Variants in OTOGL observed in about 807,000 individuals in gnomAD.
OTOGL encodes the protein otogelin-like protein.
A neutral mutation model predicts 318.5 loss-of-function variants in OTOGL; 285 were observed. The ratio of observed to expected loss-of-function variants is 0.89; its 90% CI spans 0.81 to 0.99. The LOEUF (loss-of-function observed/expected upper bound fraction) is 0.99. Ranked by LOEUF, OTOGL falls within the 50% of genes least tolerant of loss-of-function variation. The pLI, the probability that OTOGL is intolerant of heterozygous loss-of-function variation, is 0.00. For synonymous variants in OTOGL, 987 were observed against 936.5 expected (o/e 1.05, Z -0.99); for missense variants, 2,899 against 2,845.6 (o/e 1.02, Z -0.43).
chr12:80,346,107 A>G (rs1889180963), intron 44 of OTOGL, among the ~76,000 whole-genome samples: 1 of 152,204 alleles, frequency 6.6e-6, no homozygotes, highest in African/African-American at 2.4e-5. Context: ...ATGCAATACC[A>G]AAGTGCCCAT....
intron 28 of OTOGL, 45 bp downstream of exon 28, chr12:80,302,828 C>T (rs1386408566): frequency 5.8e-6 from 8 of 1,371,232 alleles, no homozygotes; most frequent in African/African-American, 2.9e-5. Flanking sequence ...AATAAAATCA[C>T]ATTTAGTTTT....
intron 1 of OTOGL, among the ~76,000 whole-genome samples, chr12:80,140,728 C>T (rs1410339279): frequency 6.6e-6 from 1 of 152,150 alleles, no homozygotes; most frequent in Non-Finnish European, 1.5e-5. Context: ...CTTAGATTGG[C>T]ACCTAGCTCA....
chr12:80,164,746 C>T (rs765964473), intron 1 of OTOGL, among the ~76,000 whole-genome samples: 7 of 152,126 alleles, frequency 4.6e-5, no homozygotes, highest in Non-Finnish European at 8.8e-5. Context: ...GAGCCCATGG[C>T]AGCGTCTTTG....
At chr12:80,290,751 T>C (rs1038015979) in intron 26 of OTOGL, among the ~76,000 whole-genome samples, 1 of 152,214 alleles carries the variant, frequency 6.6e-6, no homozygotes, top group African/African-American at 2.4e-5. Flanking sequence ...TATTTTCCAA[T>C]GTATGGTGGT....
At chr12:80,229,212 T>A in intron 7 of OTOGL, 45 bp from the exon 8 acceptor site, 1 of 1,568,668 alleles carries the variant, frequency 6.4e-7, no homozygotes, top group Non-Finnish European at 8.7e-7. Flanking sequence ...TAACTCAGAT[T>A]TATTGTTTGT....
At chr12:80,211,871 C>G in intron 3 of OTOGL, 78 bp from the exon 4 acceptor site, 1 of 1,171,762 alleles carries the variant, frequency 8.5e-7, no homozygotes, top group Non-Finnish European at 1.2e-6. Flanking sequence ...GAGGAAAACA[C>G]CAGCTCTCTC....
intron 29 of OTOGL, among the ~76,000 whole-genome samples, chr12:80,308,185 G>T (rs1886352347): frequency 6.7e-6 from 1 of 150,142 alleles, no homozygotes; most frequent in African/African-American, 2.4e-5. Flanking sequence ...TGGCTGCCGG[G>T]CGGAGACACT....
chr12:80,174,829 CTTAA>C (rs1874426516), intron 1 of OTOGL, among the ~76,000 whole-genome samples: 1 of 152,098 alleles, frequency 6.6e-6, no homozygotes, highest in East Asian at 1.9e-4. Context: ...GAAGGTGTGG[CTTAA>C]TTAATCTTTT....
chr12:80,265,000 G>T lies in OTOGL; in HGVS notation c.2015-1G>T. 1.2e-6 allele frequency: 2 copies of T among 1,613,700 alleles called. No homozygotes were observed. Among genetic ancestry groups the T allele is most frequent in the Non-Finnish European group, 1.7e-6 (2 of 1,179,690 alleles). On this transcript the variant is annotated splice_acceptor_variant, in intron 19 of 58. Coordinates refer to ENST00000547103, the MANE Select transcript of OTOGL (RefSeq NM_001378609.3). LOFTEE classifies it high-confidence loss of function. ...AAGATGCTAATTGGGCTCTTTGTTAGTTGGGTATGCAGCACACTGTGATGT... is the reference window on the plus strand; with the variant it reads ...AAGATGCTAATTGGGCTCTTTGTTATTTGGGTATGCAGCACACTGTGATGT...
In OTOGL at chr12:80,136,520, A is replaced by G. The variant is rs78329541; in HGVS notation, c.-20+36915A>G. ...GAAGTACACCTTATGATATATTTTC[A>G]CCTCTTGTACTACTCTGTTTCTAGT... On this transcript the variant is annotated intron_variant, in intron 1 of 58. Coordinates refer to ENST00000547103, the MANE Select transcript of OTOGL (RefSeq NM_001378609.3). 6.6e-4 allele frequency among the ~76,000 whole-genome samples: 100 copies of G among 151,982 alleles called. 1 individual carries two copies. The East Asian group carries it at 0.013, about 20-fold the overall frequency.
chr12:80,249,940 G>C (rs919011193), intron 11 of OTOGL, among the ~76,000 whole-genome samples: 1 of 152,042 alleles, frequency 6.6e-6, no homozygotes, highest in African/African-American at 2.4e-5. Flanking sequence ...AGGTGCGTCC[G>C]TCAGCCCTTT....
intron 1 of OTOGL, among the ~76,000 whole-genome samples, chr12:80,109,812 G>A (rs901757963): frequency 7.2e-5 from 11 of 152,076 alleles, no homozygotes; most frequent in Non-Finnish European, 1.6e-4. Context: ...ATATGAAAGT[G>A]AATATGTATT....
intron 1 of OTOGL, among the ~76,000 whole-genome samples, chr12:80,202,914 G>A (rs183677402): frequency 6.6e-6 from 1 of 152,216 alleles, no homozygotes; most frequent in Non-Finnish European, 1.5e-5. Flanking sequence ...AAAAATAGTT[G>A]CCATCTCCAC....
Position 80,252,221 on chromosome 12 carries a change from A to C in OTOGL, c.1285+20A>C. On this transcript the variant is annotated intron_variant, in intron 13 of 58. Transcript: ENST00000547103. The stretch of plus-strand genomic sequence containing the variant: ...CAGATGGTAAGTGCTTCATGAAGAA[A>C]CCATGTCTGCACTCATGGAAACTAG... 1 of 1,592,190 alleles carries C rather than the reference A, an allele frequency of 6.3e-7. No individual in the cohort carries two copies. The highest frequency in any genetic ancestry group is 8.6e-7 in the Non-Finnish European group (1 of 1,168,508).
chr12:80,265,653 T>C (rs1882898582), intron 20 of OTOGL: 1 of 183,922 alleles, frequency 5.4e-6, no homozygotes, highest in African/African-American at 2.4e-5. Flanking sequence ...GCCATTTTCA[T>C]TCATGGTAGA....
At chr12:80,154,499 C>T (rs1010621248) in intron 1 of OTOGL, among the ~76,000 whole-genome samples, 3 of 152,090 alleles carry the variant, frequency 2.0e-5, no homozygotes, top group Non-Finnish European at 2.9e-5. Context: ...CTTCCATGTT[C>T]GTCCTATAAA....
chr12:80,226,177 AACACACACACACACACACACAC>A (rs35975748), intron 7 of OTOGL, among the ~76,000 whole-genome samples: 18 of 132,896 alleles, frequency 1.4e-4, no homozygotes, highest in Non-Finnish European at 2.6e-4. Flanking sequence ...TCCTGCTCCT[AACACACACACACACACACACAC>A]ACACACACAC....
At chr12:80,234,107 T>TG (rs1294991018) in intron 9 of OTOGL, among the ~76,000 whole-genome samples, 4 of 152,150 alleles carry the variant, frequency 2.6e-5, no homozygotes, top group Admixed American at 1.3e-4. Context: ...TTCATTAAGA[T>TG]GGGGTCTTGC....
intron 29 of OTOGL, among the ~76,000 whole-genome samples, chr12:80,307,946 G>A (rs1420600339): frequency 1.5e-5 from 2 of 135,408 alleles, no homozygotes; most frequent in Non-Finnish European, 3.1e-5. Context: ...CCTCCCGGAC[G>A]GAGCGGCTGG....
Sources: allele counts gnomAD v4.1 joint callset (sites outside exome capture counted in the v4.1 genomes callset), GRCh38; gene constraint gnomAD v4.1.1; transcripts MANE v1.5; gene names NCBI Gene and HGNC (gene_info 2026-07-23, HGNC 2026-07-21).